Variants in IL16 observed in about 807,000 individuals in gnomAD.
IL16 encodes the protein pro-interleukin-16.
Under a neutral mutation model 110.1 loss-of-function variants are expected in IL16, and 67 were observed. That is an observed-to-expected ratio of 0.61 (90% CI 0.50 to 0.75). The LOEUF is 0.75. IL16 is among the 30% of genes least tolerant of loss of function. The pLI is 0.00. For synonymous variants in IL16, 689 were observed against 662.9 expected (o/e 1.04, Z -0.61); for missense variants, 1,545 against 1,655.0 (o/e 0.93, Z 1.15).
At chr15:81,229,508 G>A (rs888171745) in intron 2 of IL16, among the ~76,000 whole-genome samples, 12 of 152,120 alleles carry the variant, frequency 7.9e-5, no homozygotes, top group African/African-American at 2.9e-4. Context: ...GAGGGGCATT[G>A]TCCAATTCAG....
rs139633595 is a variant in IL16, at chr15:81,228,045, G to A, written c.312+2334G>A. On this transcript the variant is annotated intron_variant, in intron 2 of 18. Transcript: ENST00000683961. The stretch of plus-strand genomic sequence containing the variant: ...TGGTGAGTTGTGCTCTTAAGGGTGC[G>A]CAGTTGTACTAAGCAGAGGTGGAGG... 1.7e-3 allele frequency among the ~76,000 whole-genome samples: 265 copies of A among 152,206 alleles called. 2 individuals are homozygous for A. The highest frequency in any genetic ancestry group is 5.2e-3 in the African/African-American group (217 of 41,526).
chr15:81,206,258 C>G (rs1033759979), intron 1 of IL16, among the ~76,000 whole-genome samples: 1 of 152,200 alleles, frequency 6.6e-6, no homozygotes, highest in African/African-American at 2.4e-5. Context: ...GTATAGCCTA[C>G]TACACCCCAA....
In IL16 at chr15:81,207,250, A is replaced by AC. The variant is rs1160740014; in HGVS notation, c.-102+10098_-102+10099insC. Among the ~76,000 whole-genome samples the AC allele has an allele frequency of 1.8e-4, 20 of 110,430 alleles. No homozygotes were observed. In the Admixed American group the frequency reaches 2.1e-3, roughly 12 times the overall value. 72.4% of individuals were successfully genotyped at this position (110,430 alleles called of 152,430 possible). A position where few individuals can be genotyped will look rare whatever the true frequency, so the allele number is the denominator to read the frequency against. On this transcript the variant is annotated intron_variant, in intron 1 of 18. Transcript: ENST00000683961. ...CAGACTCTGTCTCAAAAAAAACAAA[A>AC]AAAAAAAAAAACAAAAAAAAGAAAA...
At chr15:81,192,518 A>T (rs896826749), upstream of IL16, among the ~76,000 whole-genome samples, 4 of 152,210 alleles carry the variant, frequency 2.6e-5, no homozygotes, top group Non-Finnish European at 4.4e-5. Flanking sequence ...CTGAGGCTGG[A>T]GGATTGCTTG....
At chr15:81,223,921 G>A (rs12438640) in intron 1 of IL16, among the ~76,000 whole-genome samples, 21,611 of 152,158 alleles carry the variant, frequency 0.14, 1,981 homozygotes, top group East Asian at 0.37. Flanking sequence ...GGAAGGACAT[G>A]GAGTACAAAA....
At chr15:81,266,297 C>A (rs1898380402) in intron 4 of IL16, among the ~76,000 whole-genome samples, 1 of 152,174 alleles carries the variant, frequency 6.6e-6, no homozygotes, top group African/African-American at 2.4e-5. Flanking sequence ...ACCTGCTTTA[C>A]CAACATTGCC....
intron 2 of IL16, among the ~76,000 whole-genome samples, chr15:81,248,246 C>A (rs1413524739): frequency 6.6e-6 from 1 of 152,050 alleles, no homozygotes; most frequent in Non-Finnish European, 1.5e-5. Flanking sequence ...GCTATCTACC[C>A]ACCTATCTGT....
chr15:81,223,025 A>G (rs1212734405), intron 1 of IL16, among the ~76,000 whole-genome samples: 6 of 152,096 alleles, frequency 3.9e-5, no homozygotes, highest in Admixed American at 3.9e-4. Context: ...AAAAGAGAAA[A>G]CTACTCTAAA....
At position 81,252,375 on chromosome 15, in the gene IL16, A is replaced by G. The variant is rs191453882; in HGVS notation, c.313-7397A>G. On this transcript the variant is annotated intron_variant, in intron 2 of 18. Transcript: ENST00000683961. ...TGGGTAGCATTTGCATTTTTATAAA[A>G]TTATGCTGGCAACAAGGTGCAGAGG... Among the ~76,000 whole-genome samples the G allele has an allele frequency of 7.4e-3, 1,125 of 152,332 alleles. 5 individuals carry two copies. The highest frequency in any genetic ancestry group is 0.014 in the Middle Eastern group (4 of 294).
At chr15:81,262,947 G>A (rs1290229099) in intron 3 of IL16, among the ~76,000 whole-genome samples, 4 of 152,110 alleles carry the variant, frequency 2.6e-5, no homozygotes, top group African/African-American at 9.7e-5. Context: ...AAGAAAAGAA[G>A]CTCAGATAGT....
chr15:81,226,188 C>T (rs1206721144), intron 2 of IL16, among the ~76,000 whole-genome samples: 3 of 152,152 alleles, frequency 2.0e-5, no homozygotes. Context: ...TGAACATTTT[C>T]CAGGTACCTT....
chr15:81,252,204 G>A (rs1450536073), intron 2 of IL16, among the ~76,000 whole-genome samples: 1 of 152,218 alleles, frequency 6.6e-6, no homozygotes, highest in Non-Finnish European at 1.5e-5. Flanking sequence ...TCACTGGTAG[G>A]AAGTGGACTA....
At chr15:81,301,075 C>T (rs543972185) in intron 14 of IL16, among the ~76,000 whole-genome samples, 11 of 152,290 alleles carry the variant, frequency 7.2e-5, no homozygotes, top group South Asian at 2.1e-4. Flanking sequence ...GGATGTCAGA[C>T]GTGCCATAGG....
chr15:81,229,091 T>A (rs1896886720), intron 2 of IL16, among the ~76,000 whole-genome samples: 1 of 152,220 alleles, frequency 6.6e-6, no homozygotes. Flanking sequence ...AATTAAGCAC[T>A]TAATGAATTC....
chr15:81,204,825 C>T (rs182493710), intron 1 of IL16, among the ~76,000 whole-genome samples: 10 of 150,946 alleles, frequency 6.6e-5, no homozygotes, highest in East Asian at 1.9e-4. Flanking sequence ...AGCTAGAGAG[C>T]GCATGGGACA....
In IL16 at chr15:81,312,418, G is replaced by A. The variant is rs1026355359; in HGVS notation, c.*3620G>A. The stretch of plus-strand genomic sequence containing the variant: ...TGGAAGACAGAGACCTCCTGCCTCC[G>A]CCTCAGTAAGACGACAAGGAAAGGC... On this transcript the variant is annotated 3_prime_UTR_variant, in exon 19 of 19. Coordinates refer to ENST00000683961, the MANE Select transcript of IL16 (RefSeq NM_172217.5). 1 of 152,234 alleles carries A rather than the reference G, an allele frequency of 6.6e-6. No individual in the cohort carries two copies. The highest frequency in any genetic ancestry group is 1.5e-5 in the Non-Finnish European group (1 of 68,070). 9.4% of individuals were successfully genotyped at this position (152,234 alleles called of 1,614,324 possible).
Position 81,250,546 on chromosome 15 carries a change from T to G in IL16, c.313-9226T>G, listed in dbSNP as rs78941873. On this transcript the variant is annotated intron_variant, in intron 2 of 18. Coordinates refer to ENST00000683961, the MANE Select transcript of IL16 (RefSeq NM_172217.5). Reference sequence around the variant, plus strand: ...CTTTGATTTTTTTTTCTGTGACAGCTCATATGTTTTGTCATCTTGTGGGGA... The same window carrying G: ...CTTTGATTTTTTTTTCTGTGACAGCGCATATGTTTTGTCATCTTGTGGGGA... Among the ~76,000 whole-genome samples the G allele has an allele frequency of 7.8e-3, 1,194 of 152,294 alleles. 17 individuals are homozygous for G. Among genetic ancestry groups the G allele is most frequent in the African/African-American group, 0.027 (1,124 of 41,556 alleles).
At chr15:81,259,179 A>T (rs1210988426) in intron 2 of IL16, among the ~76,000 whole-genome samples, 1 of 152,252 alleles carries the variant, frequency 6.6e-6, no homozygotes, top group African/African-American at 2.4e-5. Flanking sequence ...TTAATAATGC[A>T]TGGATAGTTC....
chr15:81,189,195 C>T (rs1895462265), intron 1 of IL16, among the ~76,000 whole-genome samples: 1 of 150,238 alleles, frequency 6.7e-6, no homozygotes, highest in Non-Finnish European at 1.5e-5. Context: ...ACGATCTTGG[C>T]TCACTGCAAC....
Sources: allele counts gnomAD v4.1 joint callset (sites outside exome capture counted in the v4.1 genomes callset), GRCh38; gene constraint gnomAD v4.1.1; transcripts MANE v1.5; gene names NCBI Gene and HGNC (gene_info 2026-07-23, HGNC 2026-07-21).